The following RAPH1 variants were observed in gnomAD, a reference collection of about 807,000 sequenced individuals.
RAPH1 encodes the protein Ras association (RalGDS/AF-6) and pleckstrin homology domains 1.
In RAPH1, 18 loss-of-function variants were observed where a neutral mutation model predicts 88.1. The observed-to-expected ratio is 0.20, with a 90% CI of 0.14 to 0.30. The LOEUF is 0.30. RAPH1 is among the 10% of genes least tolerant of loss of function. The pLI, the probability that RAPH1 is intolerant of heterozygous loss-of-function variation, is 1.00. For synonymous variants in RAPH1, 587 were observed against 559.0 expected, an observed-to-expected ratio of 1.05 and a Z score of -0.71; for missense variants, 1,448 against 1,543.2, an observed-to-expected ratio of 0.94 and a Z score of 1.03.
intron 4 of RAPH1, among the ~76,000 whole-genome samples, chr2:203,481,542 T>C (rs1314462610): frequency 6.7e-6 from 1 of 149,324 alleles, no homozygotes; most frequent in Non-Finnish European, 1.5e-5. Context: ...TTTTGTTTTA[T>C]AGCCCCTATT....
chr2:203,485,555 T>C (rs926657442), intron 4 of RAPH1, among the ~76,000 whole-genome samples: 1 of 152,144 alleles, frequency 6.6e-6, no homozygotes, highest in Non-Finnish European at 1.5e-5. Context: ...ATAAACAATA[T>C]TACCTGGAGA....
At chr2:203,483,597 G>C (rs186848144) in intron 4 of RAPH1, among the ~76,000 whole-genome samples, 11 of 152,264 alleles carry the variant, frequency 7.2e-5, no homozygotes, top group Non-Finnish European at 1.5e-4. Flanking sequence ...CAACTTCATT[G>C]GATTAAGGAA....
chr2:203,441,557 A>G (rs2098504171), intron 13 of RAPH1, 144 bp from the exon 14 acceptor site: 2 of 1,375,344 alleles, frequency 1.5e-6, no homozygotes, highest in South Asian at 1.9e-5. Flanking sequence ...TGGTGATCAT[A>G]AAGATGGACA....
At chr2:203,527,725 G>A (rs1023926938) in intron 1 of RAPH1, among the ~76,000 whole-genome samples, 1 of 150,622 alleles carries the variant, frequency 6.6e-6, no homozygotes, top group Non-Finnish European at 1.5e-5. Flanking sequence ...GCTTGAACCC[G>A]GGAGGCGAAG....
chr2:203,480,582 A>C (rs1687680258), intron 4 of RAPH1, among the ~76,000 whole-genome samples: 1 of 152,048 alleles, frequency 6.6e-6, no homozygotes, highest in Admixed American at 6.5e-5. Flanking sequence ...AAAAGTAAAA[A>C]CCATTTATCT....
At position 203,506,896 on chromosome 2, in the gene RAPH1, A is replaced by ATTT. The variant is rs1211565813; in HGVS notation, c.1-11544_1-11543insAAA. On this transcript the variant is annotated intron_variant, in intron 1 of 13. Transcript: ENST00000319170. ...TATATATATAGATATATATATATAT[A>ATTT]TATTTTTTTTTTTTTTGAGATGAAC... Among the ~76,000 whole-genome samples, 43 of 100,900 alleles carry ATTT rather than the reference A, an allele frequency of 4.3e-4. 7 individuals carry two copies. The highest frequency in any genetic ancestry group is 2.4e-3 in the African/African-American group (43 of 17,734). The allele number at this position is 100,900 out of a possible 152,430, so 66.2% of individuals were successfully genotyped here.
chr2:203,438,283 A>T lies in RAPH1; in HGVS notation c.*1154T>A. Reference sequence around the variant, plus strand: ...TACATATTATAACCCATATACAACCAGATTAATGACACCTGTACAGGGGCC... The same window carrying T: ...TACATATTATAACCCATATACAACCTGATTAATGACACCTGTACAGGGGCC... On this transcript the variant is annotated 3_prime_UTR_variant, in exon 14 of 14. Transcript: ENST00000319170. 2.2e-6 allele frequency: 1 copy of T among 454,478 alleles called. No individual in the cohort carries two copies. The highest frequency in any genetic ancestry group is 4.4e-6 in the Non-Finnish European group (1 of 226,830). 28.2% of individuals were successfully genotyped at this position (454,478 alleles called of 1,614,324 possible). A position where few individuals can be genotyped will look rare whatever the true frequency, so the allele number is the denominator to read the frequency against.
chr2:203,487,716 A>G (rs1688036880), intron 4 of RAPH1, among the ~76,000 whole-genome samples: 1 of 152,172 alleles, frequency 6.6e-6, no homozygotes, highest in Non-Finnish European at 1.5e-5. Flanking sequence ...TCTATAGAAT[A>G]TATACCACTT....
Position 203,439,985 on chromosome 2 carries a change from A to C in RAPH1, c.3205T>G (p.Ser1069Ala). ...GGAGGGGGTGGAAAATCAGAATCGG[A>C]TGGAGGAGAAGGAAATTCCACCACG... The part of the protein sequence containing the change: ...DSVVEFPSPP[S>A]DSDFPPPPPE... Residue 1069 changes from serine (S) to alanine (A), a missense_variant, in exon 14 of 14, where the codon TCC becomes GCC. Transcript: ENST00000319170. The C allele has an allele frequency of 6.2e-7, 1 of 1,613,350 alleles. No homozygotes were observed.
chr2:203,471,807 C>T (rs894351031), intron 4 of RAPH1, among the ~76,000 whole-genome samples: 5 of 79,734 alleles, frequency 6.3e-5, no homozygotes, highest in African/African-American at 2.1e-4. Context: ...GCCCCTCTCA[C>T]CCATTCTTTA....
At chr2:203,521,030 A>T (rs1689842891) in intron 1 of RAPH1, among the ~76,000 whole-genome samples, 1 of 152,118 alleles carries the variant, frequency 6.6e-6, no homozygotes, top group South Asian at 2.1e-4. Context: ...CAATCATATG[A>T]TCAGTAAAAT....
chr2:203,528,979 CTATATATATATA>C (rs71408946), intron 1 of RAPH1, among the ~76,000 whole-genome samples: 3 of 61,220 alleles, frequency 4.9e-5, no homozygotes, highest in Non-Finnish European at 8.1e-5. Context: ...GGTTGTTTTG[CTATATATATATA>C]TATATATATA....
Position 203,459,894 on chromosome 2 carries a change from T to C in RAPH1, c.1092+13A>G. The C allele has an allele frequency of 3.7e-6, 6 of 1,608,648 alleles. No individual in the cohort carries two copies. The highest frequency in any genetic ancestry group is 5.1e-6 in the Non-Finnish European group (6 of 1,178,224). On this transcript the variant is annotated intron_variant, in intron 7 of 13. Transcript: ENST00000319170. The stretch of plus-strand genomic sequence containing the variant: ...TTTACAAATCCTGACCTCTGTAAGT[T>C]GTTTGGTCTTACCTGTGGGTTTTTG...
chr2:203,474,671 A>G (rs2098535828), intron 4 of RAPH1, among the ~76,000 whole-genome samples: 1 of 152,258 alleles, frequency 6.6e-6, no homozygotes, highest in Non-Finnish European at 1.5e-5. Flanking sequence ...ACTCTGTCAC[A>G]TGCCAGTAAA....
chr2:203,474,953 A>G (rs2098536086), intron 4 of RAPH1, among the ~76,000 whole-genome samples: 1 of 152,184 alleles, frequency 6.6e-6, no homozygotes, highest in East Asian at 1.9e-4. Flanking sequence ...TCTACTAAAA[A>G]TACAAAAATT....
At chr2:203,531,024 T>C (rs773389419) in intron 1 of RAPH1, among the ~76,000 whole-genome samples, 42 of 152,108 alleles carry the variant, frequency 2.8e-4, no homozygotes, top group Admixed American at 9.2e-4. Context: ...CTGGGAAAAC[T>C]GGATATGCAA....
At position 203,531,935 on chromosome 2, in the gene RAPH1, T is replaced by C. The variant is rs1357978319; in HGVS notation, c.-1+3176A>G. On this transcript the variant is annotated intron_variant, in intron 1 of 13. Transcript: ENST00000319170. The stretch of plus-strand genomic sequence containing the variant: ...GAACCGAAAGGAGGGATTCAAACAG[T>C]TGTATACCAATACTCAAGGCAGCAT... Among the ~76,000 whole-genome samples the C allele has an allele frequency of 2.0e-5, 3 of 152,322 alleles. No individual in the cohort carries two copies. The East Asian group carries it at 5.8e-4, about 29-fold the overall frequency.
intron 13 of RAPH1, chr2:203,444,559 G>T (rs768137260): frequency 1.1e-4 from 42 of 369,642 alleles, no homozygotes; most frequent in Non-Finnish European, 1.9e-4. Context: ...CTTAAAGGTG[G>T]AAAGGAAGAA....
intron 1 of RAPH1, among the ~76,000 whole-genome samples, chr2:203,530,391 T>C (rs77889848): frequency 6.6e-6 from 1 of 152,346 alleles, no homozygotes; most frequent in East Asian, 1.9e-4. Context: ...ATCCATTTAT[T>C]TTTGTATGCT....
Sources: allele counts gnomAD v4.1 joint callset (sites outside exome capture counted in the v4.1 genomes callset), GRCh38; gene constraint gnomAD v4.1.1; transcripts MANE v1.5; gene names NCBI Gene and HGNC (gene_info 2026-07-23, HGNC 2026-07-21).